Variants in PTPRT observed in about 807,000 individuals in gnomAD.
The protein encoded by PTPRT is protein tyrosine phosphatase receptor type T.
Under a neutral mutation model 176.8 loss-of-function variants are expected in PTPRT, and 56 were observed. The ratio of observed to expected loss-of-function variants is 0.32; its 90% CI spans 0.26 to 0.40. The LOEUF (loss-of-function observed/expected upper bound fraction) is 0.40. PTPRT is among the 10% of genes least tolerant of loss of function. The probability of loss-of-function intolerance (pLI) is 1.00; values close to 1 mark genes in which losing one functional copy is unlikely to be tolerated. For missense variants in PTPRT, 1,540 were observed against 1,908.2 expected (o/e 0.81, Z 3.60); for synonymous variants, 783 against 739.0 (o/e 1.06, Z -0.96).
rs114165548 is a variant in PTPRT, at chr20:42,266,770, A to G, written c.2176+15719T>C. Among the ~76,000 whole-genome samples, 482 of 152,242 alleles carry G rather than the reference A, an allele frequency of 3.2e-3. 2 individuals are homozygous for G. The highest frequency in any genetic ancestry group is 0.011 in the African/African-American group (462 of 41,532). On this transcript the variant is annotated intron_variant, in intron 13 of 30. Coordinates refer to ENST00000373187, the MANE Select transcript of PTPRT (RefSeq NM_007050.6). ...GCCTCTTCTCTACACATACATTTCTATTCACCAACTAGGGACAAAGATGAC... is the reference window on the plus strand; with the variant it reads ...GCCTCTTCTCTACACATACATTTCTGTTCACCAACTAGGGACAAAGATGAC...
intron 9 of PTPRT, among the ~76,000 whole-genome samples, chr20:42,428,678 A>G (rs55634456): frequency 0.12 from 17,992 of 152,166 alleles, 1,052 homozygotes; most frequent in Middle Eastern, 0.14. Context: ...TTCAGGTTGA[A>G]TGGAATTTGC....
chr20:42,277,196 G>A (rs1405225790), intron 13 of PTPRT, among the ~76,000 whole-genome samples: 1 of 152,110 alleles, frequency 6.6e-6, no homozygotes, highest in Non-Finnish European at 1.5e-5. Context: ...CTCCAAGGGG[G>A]TTGTTTTAAT....
At chr20:43,138,368 C>T (rs981149820) in intron 1 of PTPRT, among the ~76,000 whole-genome samples, 1 of 152,258 alleles carries the variant, frequency 6.6e-6, no homozygotes, top group Non-Finnish European at 1.5e-5. Flanking sequence ...GGAGCCAGCA[C>T]TGCAGGCAGG....
At chr20:42,448,857 C>A (rs2070777187) in intron 8 of PTPRT, among the ~76,000 whole-genome samples, 1 of 111,424 alleles carries the variant, frequency 9.0e-6, no homozygotes, top group Non-Finnish European at 1.8e-5. Flanking sequence ...AGTTCATGAG[C>A]TAAAAAAAAA....
chr20:42,770,576 T>C (rs929262614), intron 5 of PTPRT, among the ~76,000 whole-genome samples: 12 of 152,210 alleles, frequency 7.9e-5, no homozygotes, highest in Non-Finnish European at 4.4e-5. Context: ...AACACTTCCC[T>C]GATGGACTTT....
At chr20:42,644,261 T>C (rs1472399878) in intron 7 of PTPRT, among the ~76,000 whole-genome samples, 1 of 152,092 alleles carries the variant, frequency 6.6e-6, no homozygotes, top group African/African-American at 2.4e-5. Context: ...GACTCACCTT[T>C]TCTAATCCGC....
At chr20:42,087,197 G>C (rs1984057019) in intron 27 of PTPRT, among the ~76,000 whole-genome samples, 2 of 151,154 alleles carry the variant, frequency 1.3e-5, no homozygotes. Flanking sequence ...ATAGTGCAGA[G>C]ACTGAGAAAA....
chr20:42,771,590 A>G, intron 4 of PTPRT, 40 bp from the exon 5 acceptor site: 2 of 1,524,246 alleles, frequency 1.3e-6, no homozygotes, highest in Non-Finnish European at 1.8e-6. Flanking sequence ...ATGAGATTCG[A>G]CAGCCTGCAC....
chr20:42,050,956 C>T, the PTPRT span, among the ~76,000 whole-genome samples: 1 of 152,236 alleles, frequency 6.6e-6, no homozygotes, highest in African/African-American at 2.4e-5. Flanking sequence ...ATTGGCTCAA[C>T]TAGGCAGAGA....
intron 7 of PTPRT, among the ~76,000 whole-genome samples, chr20:42,650,905 A>C (rs2075017715): frequency 6.6e-6 from 1 of 152,116 alleles, no homozygotes; most frequent in Non-Finnish European, 1.5e-5. Context: ...GAACACAATT[A>C]AGAAACCCCA....
chr20:42,354,253 A>G (rs2058328457), intron 9 of PTPRT, among the ~76,000 whole-genome samples: 1 of 152,174 alleles, frequency 6.6e-6, no homozygotes, highest in African/African-American at 2.4e-5. Context: ...TTTTAACAGC[A>G]TAGACGAGTT....
rs1012846065 is a variant in PTPRT, at chr20:42,110,440, G to C, written c.3147C>G (p.Ser1049Arg). ...AGCAGGGAACGCCGTGGTCAGGCCA[G>C]CTGGTGAAGTGGAAGAGGCGGAGCT... ...IRELRLFHFT[S>R]WPDHGVPCYA... Residue 1049 changes from serine (S) to arginine (R), a missense_variant, in exon 23 of 31, where the codon AGC (serine) becomes AGG (arginine). Ser to Arg is a moderately radical substitution (Grantham distance 110, BLOSUM62 -1). Transcript: ENST00000373187. 1 of 1,612,192 alleles carries C rather than the reference G, an allele frequency of 6.2e-7. No individual in the cohort carries two copies. Among genetic ancestry groups the C allele is most frequent in the Non-Finnish European group, 8.5e-7 (1 of 1,178,520 alleles).
At chr20:42,981,252 T>C (rs1397523979) in intron 1 of PTPRT, among the ~76,000 whole-genome samples, 1 of 152,226 alleles carries the variant, frequency 6.6e-6, no homozygotes, top group African/African-American at 2.4e-5. Context: ...TCAGGGTCCC[T>C]ATCCATGAAA....
In PTPRT at chr20:42,282,504, G is replaced by A. The variant is rs776134993; in HGVS notation, c.2161C>T (p.Arg721Cys). The A allele has an allele frequency of 1.4e-5, 23 of 1,610,238 alleles. No individual in the cohort carries two copies. Among genetic ancestry groups the A allele is most frequent in the South Asian group, 2.2e-5 (2 of 90,468 alleles). ...GCCAACATACCTTTTGTAGCCAGAC[G>A]AACACAGTTGATTTTGGTCTCCTGT... ...ANGETKINCV[R>C]LATKGASTQN... The change falls in exon 13 of 31, where the codon CGT (arginine) becomes TGT (cysteine). Residue 721 changes from arginine (R) to cysteine (C), a missense_variant. Physicochemically the swap from Arg to Cys is radical, Grantham distance 180. Coordinates refer to ENST00000373187, the MANE Select transcript of PTPRT (RefSeq NM_007050.6).
chr20:42,084,964 A>G, intron 28 of PTPRT, 119 bp from the exon 29 acceptor site: 1 of 832,610 alleles, frequency 1.2e-6, no homozygotes, highest in Non-Finnish European at 1.6e-6. Context: ...GATCTAAGCC[A>G]TGTCCTCACG....
chr20:42,082,122 T>C, intron 29 of PTPRT, 105 bp from the exon 30 acceptor site: 1 of 1,519,854 alleles, frequency 6.6e-7, no homozygotes, highest in Non-Finnish European at 9.0e-7. Context: ...TCTGGGCAGA[T>C]GCAAGGCAAG....
At position 42,720,108 on chromosome 20, in the gene PTPRT, T is replaced by A. The variant is rs540766111; in HGVS notation, c.859+36354A>T. On this transcript the variant is annotated intron_variant, in intron 6 of 30. Coordinates refer to ENST00000373187, the MANE Select transcript of PTPRT (RefSeq NM_007050.6). ...TGACACATACTAAATGCCTACTGGG[T>A]GATTTACAGGGAAAAAAGAAATCCT... Among the ~76,000 whole-genome samples the A allele has an allele frequency of 5.3e-5, 8 of 152,334 alleles. No homozygotes were observed. In the East Asian group the frequency reaches 1.4e-3, roughly 26 times the overall value.
rs208252 is a variant in PTPRT, at chr20:42,785,891, T to C, written c.486+5304A>G. Among the ~76,000 whole-genome samples the C allele has an allele frequency of 6.0e-4, 91 of 152,298 alleles. 1 individual carries two copies. Among genetic ancestry groups the C allele is most frequent in the African/African-American group, 2.2e-3 (90 of 41,570 alleles). On this transcript the variant is annotated intron_variant, in intron 3 of 30. Coordinates refer to ENST00000373187, the MANE Select transcript of PTPRT (RefSeq NM_007050.6). ...GAGGCCCACTACAAGCCTGATGGCA[T>C]GGTTTGGCTCTGTGTCCCCACCCAA...
chr20:42,502,121 C>T (rs1480389463), intron 7 of PTPRT, among the ~76,000 whole-genome samples: 1 of 151,886 alleles, frequency 6.6e-6, no homozygotes, highest in African/African-American at 2.4e-5. Context: ...TTGAAAGTTA[C>T]ATTTTTCAAG....
Sources: allele counts gnomAD v4.1 joint callset (sites outside exome capture counted in the v4.1 genomes callset), GRCh38; gene constraint gnomAD v4.1.1; transcripts MANE v1.5; gene names NCBI Gene and HGNC (gene_info 2026-07-23, HGNC 2026-07-21).